The following CDH12 variants were observed in gnomAD, a reference collection of about 807,000 sequenced individuals.
The protein encoded by CDH12 is cadherin 12.
Under a neutral mutation model 74.1 loss-of-function variants are expected in CDH12, and 41 were observed. That is an observed-to-expected ratio of 0.55 (90% CI 0.43 to 0.72). The LOEUF (loss-of-function observed/expected upper bound fraction) is 0.72, where lower values mean the gene tolerates loss of function less well. CDH12 is among the 30% of genes least tolerant of loss of function. CDH12 has a pLI of 0.00. For synonymous variants in CDH12, 399 were observed against 355.0 expected, an observed-to-expected ratio of 1.12 and a Z score of -1.39; for missense variants, 945 against 977.2, an observed-to-expected ratio of 0.97 and a Z score of 0.44.
At chr5:22,686,032 C>T (rs77054580) in intron 1 of CDH12, among the ~76,000 whole-genome samples, 2,910 of 152,226 alleles carry the variant, frequency 0.019, 85 homozygotes, top group African/African-American at 0.067. Context: ...AGGACTCCAC[C>T]TTTTTCCACA....
At chr5:22,457,629 A>T (rs540207427) in intron 2 of CDH12, among the ~76,000 whole-genome samples, 1 of 150,740 alleles carries the variant, frequency 6.6e-6, no homozygotes, top group African/African-American at 2.4e-5. Context: ...CCCAGGCTGG[A>T]GTGCAGTGGT....
intron 5 of CDH12, among the ~76,000 whole-genome samples, chr5:22,031,136 C>A (rs573260755): frequency 6.6e-6 from 1 of 152,000 alleles, no homozygotes; most frequent in African/African-American, 2.4e-5. Flanking sequence ...AGTTCGAGAC[C>A]AGCCTGGCCA....
At chr5:22,688,861 A>T (rs1741942415) in intron 1 of CDH12, among the ~76,000 whole-genome samples, 1 of 152,164 alleles carries the variant, frequency 6.6e-6, no homozygotes, top group Non-Finnish European at 1.5e-5. Context: ...GTGACTGAGA[A>T]TCTCACTCTT....
chr5:22,352,402 A>G (rs1740392433), intron 3 of CDH12, among the ~76,000 whole-genome samples: 1 of 152,156 alleles, frequency 6.6e-6, no homozygotes, highest in South Asian at 2.1e-4. Flanking sequence ...AAATAAATAA[A>G]TAAACAAAAT....
At chr5:22,508,419 G>A (rs759049080) in intron 1 of CDH12, among the ~76,000 whole-genome samples, 2 of 152,150 alleles carry the variant, frequency 1.3e-5, no homozygotes, top group Admixed American at 6.6e-5. Context: ...TTTGCCATAT[G>A]TTGAACTGGC....
At position 21,783,468 on chromosome 5, in the gene CDH12, C is replaced by T; in HGVS notation, c.1283G>A (p.Gly428Glu). 6 of 1,606,604 alleles carry T rather than the reference C, an allele frequency of 3.7e-6. No individual in the cohort carries two copies. The highest frequency in any genetic ancestry group is 5.1e-6 in the Non-Finnish European group (6 of 1,173,340). The change falls in exon 11 of 15, where the codon GGG becomes GAG. Residue 428 changes from glycine to glutamate, a missense_variant. Around this residue, in one of 3 missense-constraint regions of CDH12, gnomAD observed 791 missense variants for 792.8 expected, o/e 1.00. Coordinates refer to ENST00000382254, the MANE Select transcript of CDH12 (RefSeq NM_004061.5). ...TCCATCTATTGTAAAGTAGCTGTCC[C>T]CATCACTCTTCCAATCTATGAAGTA... ...VRYFIDWKSD[G>E]DSYFTIDGNE...
intron 3 of CDH12, among the ~76,000 whole-genome samples, chr5:22,292,747 C>T (rs1164638231): frequency 6.6e-6 from 1 of 152,060 alleles, no homozygotes; most frequent in East Asian, 1.9e-4. Flanking sequence ...CAAAAAATTA[C>T]AAGTGTTGCT....
At chr5:22,374,454 G>C (rs1741435542) in intron 3 of CDH12, among the ~76,000 whole-genome samples, 1 of 151,850 alleles carries the variant, frequency 6.6e-6, no homozygotes, top group Admixed American at 6.6e-5. Context: ...GGAAATCCTA[G>C]CCACAGCAAT....
chr5:22,403,526 G>A (rs191741510), intron 3 of CDH12, among the ~76,000 whole-genome samples: 1 of 152,204 alleles, frequency 6.6e-6, no homozygotes, highest in East Asian at 1.9e-4. Context: ...AGAATTTTCA[G>A]GCAACCACAA....
At chr5:22,757,905 C>A (rs566217288) in intron 1 of CDH12, among the ~76,000 whole-genome samples, 1 of 152,292 alleles carries the variant, frequency 6.6e-6, no homozygotes, top group East Asian at 1.9e-4. Flanking sequence ...TATGGATTCC[C>A]ACCTGTACCA....
At chr5:22,673,616 C>CTAATGA (rs1741016302) in intron 1 of CDH12, among the ~76,000 whole-genome samples, 3 of 152,002 alleles carry the variant, frequency 2.0e-5, no homozygotes, top group Admixed American at 2.0e-4. Flanking sequence ...GGATATTTAC[C>CTAATGA]TAAGCTCACT....
intron 5 of CDH12, among the ~76,000 whole-genome samples, chr5:22,058,943 C>T (rs544468872): frequency 6.6e-6 from 1 of 151,958 alleles, no homozygotes; most frequent in East Asian, 1.9e-4. Context: ...TAAAAGAATG[C>T]CTCTTCAATT....
At chr5:22,188,528 G>A (rs1189490552) in intron 4 of CDH12, among the ~76,000 whole-genome samples, 4 of 152,102 alleles carry the variant, frequency 2.6e-5, no homozygotes, top group Admixed American at 6.5e-5. Flanking sequence ...TACATTTTTC[G>A]TTCACATTGG....
intron 2 of CDH12, among the ~76,000 whole-genome samples, chr5:22,441,634 T>G (rs919956647): frequency 2.0e-5 from 3 of 152,180 alleles, no homozygotes; most frequent in South Asian, 2.1e-4. Context: ...TTTACTTTTC[T>G]TCGTTTACTA....
intron 1 of CDH12, among the ~76,000 whole-genome samples, chr5:22,727,531 T>A (rs776531897): frequency 1.3e-5 from 2 of 151,870 alleles, no homozygotes; most frequent in African/African-American, 2.4e-5. Context: ...TAGTCATTAC[T>A]CGTTTAGATT....
intron 5 of CDH12, among the ~76,000 whole-genome samples, chr5:22,017,748 C>A (rs1042454728): frequency 1.3e-5 from 2 of 151,300 alleles, no homozygotes; most frequent in Non-Finnish European, 2.9e-5. Context: ...ACTAAAATAC[C>A]AGTTTCCCTC....
intron 1 of CDH12, among the ~76,000 whole-genome samples, chr5:22,685,514 G>A (rs1391271512): frequency 5.3e-5 from 8 of 152,202 alleles, no homozygotes; most frequent in Non-Finnish European, 1.2e-4. Context: ...GGGATTACAG[G>A]CGTGAGTCAC....
intron 2 of CDH12, among the ~76,000 whole-genome samples, chr5:22,491,998 A>G (rs546960810): frequency 1.1e-3 from 172 of 152,128 alleles, no homozygotes; most frequent in Non-Finnish European, 2.0e-3. Flanking sequence ...TTTTCAATTA[A>G]TTACTTCTTT....
chr5:21,753,785 G>T, intron 14 of CDH12, among the ~76,000 whole-genome samples: 1 of 152,188 alleles, frequency 6.6e-6, no homozygotes, highest in Non-Finnish European at 1.5e-5. Flanking sequence ...AGTGGCAGAT[G>T]GTAGTACATG....
Sources: allele counts gnomAD v4.1 joint callset (sites outside exome capture counted in the v4.1 genomes callset), GRCh38; gene constraint gnomAD v4.1.1; regional missense constraint gnomAD v4.1.1; transcripts MANE v1.5; gene names NCBI Gene and HGNC (gene_info 2026-07-23, HGNC 2026-07-21).